The following COL4A4 variants were observed in gnomAD, a reference collection of about 807,000 sequenced individuals.
COL4A4 encodes the protein collagen type IV alpha 4 chain.
In COL4A4, 105 loss-of-function variants were observed where a neutral mutation model predicts 192.9. The ratio of observed to expected loss-of-function variants is 0.54; its 90% CI spans 0.46 to 0.64. The LOEUF (loss-of-function observed/expected upper bound fraction) is 0.64, where lower values mean the gene tolerates loss of function less well. Ranked by LOEUF, COL4A4 falls within the 30% of genes least tolerant of loss-of-function variation. The probability of loss-of-function intolerance (pLI) is 0.00; values close to 1 mark genes in which losing one functional copy is unlikely to be tolerated. For missense variants in COL4A4, 1,967 were observed against 2,169.3 expected (o/e 0.91, Z 1.85); for synonymous variants, 762 against 769.9 (o/e 0.99, Z 0.17).
chr2:227,132,518 G>A (rs1174656334), intron 4 of COL4A4, among the ~76,000 whole-genome samples: 3 of 152,212 alleles, frequency 2.0e-5, no homozygotes, highest in Non-Finnish European at 4.4e-5. Context: ...GCTCTTGCCT[G>A]TAATCCCAGC....
At chr2:227,116,955 G>A (rs536162755) in intron 7 of COL4A4, among the ~76,000 whole-genome samples, 1 of 152,124 alleles carries the variant, frequency 6.6e-6, no homozygotes, top group Admixed American at 6.5e-5. Flanking sequence ...TTTTTACAAA[G>A]AAATAAAACA....
At chr2:227,108,554 C>G in intron 12 of COL4A4, 27 bp downstream of exon 12, 2 of 1,610,222 alleles carry the variant, frequency 1.2e-6, no homozygotes, top group Non-Finnish European at 1.7e-6. Flanking sequence ...TCACCATCTG[C>G]TCCTCAGAGC....
Position 227,123,260 on chromosome 2 carries a change from T to C in COL4A4, c.193-2112A>G, listed in dbSNP as rs1347341005. ...GCCCCGTAAAAATAGTGCAAGAACA[T>C]TCACCACAGTGTTATATGCAATAGC... On this transcript the variant is annotated intron_variant, in intron 4 of 47. Coordinates refer to ENST00000396625, the MANE Select transcript of COL4A4 (RefSeq NM_000092.5). This position sits in a 1 kb window ranked among gnomAD's most constrained non-coding sequence, Gnocchi z 4.6. 3.3e-5 allele frequency among the ~76,000 whole-genome samples: 5 copies of C among 152,162 alleles called. No individual in the cohort carries two copies. In the East Asian group the frequency reaches 9.6e-4, roughly 29 times the overall value.
chr2:227,000,683 ATGAC>A (rs1391625563), downstream of COL4A4, among the ~76,000 whole-genome samples: 1 of 151,962 alleles, frequency 6.6e-6, no homozygotes, highest in East Asian at 1.9e-4. Context: ...GTTGCCCTAA[ATGAC>A]TGACCTTGGG....
At chr2:227,036,355 A>G (rs1969669608) in intron 37 of COL4A4, among the ~76,000 whole-genome samples, 1 of 152,170 alleles carries the variant, frequency 6.6e-6, no homozygotes, top group East Asian at 1.9e-4. Flanking sequence ...AAGAGCTTTT[A>G]TATGGGCTCA....
At chr2:227,007,623 C>T (rs758417907) in intron 47 of COL4A4, 35 bp from the exon 48 acceptor site, 3 of 1,611,906 alleles carry the variant, frequency 1.9e-6, no homozygotes, top group Non-Finnish European at 2.5e-6. Context: ...AGGGCTCAGA[C>T]ACACACAGAC....
chr2:227,022,224 G>C, intron 43 of COL4A4, 51 bp from the exon 44 acceptor site: 3 of 1,611,868 alleles, frequency 1.9e-6, no homozygotes, highest in Non-Finnish European at 2.5e-6. Context: ...TTATGAACAA[G>C]CTCCTTCTAC....
chr2:227,007,442 G>A lies in COL4A4; in HGVS notation c.4956C>T (p.Leu1652=), dbSNP rs759807783. 6.2e-7 allele frequency: 1 copy of A among 1,614,208 alleles called. No homozygotes were observed. Among genetic ancestry groups the A allele is most frequent in the Non-Finnish European group, 8.5e-7 (1 of 1,180,044 alleles). Residue 1652 remains leucine (L), a synonymous_variant, in exon 48 of 48, where the codon CTC becomes CTT. Coordinates refer to ENST00000396625, the MANE Select transcript of COL4A4 (RefSeq NM_000092.5). ...HFFANKYSFW[L]TTVKADLQFS... Reference sequence around the variant, plus strand: ...ACTGCAAGTCTGCTTTCACCGTTGTGAGCCAGAAGCTATACTTATTTGCGA... The same window carrying A: ...ACTGCAAGTCTGCTTTCACCGTTGTAAGCCAGAAGCTATACTTATTTGCGA...
chr2:227,117,229 T>C (rs2061535256), intron 7 of COL4A4, among the ~76,000 whole-genome samples: 1 of 152,212 alleles, frequency 6.6e-6, no homozygotes, highest in South Asian at 2.1e-4. Flanking sequence ...GAGACCATTA[T>C]GACAAACTTC....
At chr2:227,021,091 T>A (rs2149842221) in intron 44 of COL4A4, among the ~76,000 whole-genome samples, 1 of 152,114 alleles carries the variant, frequency 6.6e-6, no homozygotes. Flanking sequence ...GGTCTCAAAC[T>A]CCTGACCTCA....
At chr2:227,108,950 G>T (rs2061017858) in intron 10 of COL4A4, 82 bp from the exon 11 acceptor site, 3 of 1,358,900 alleles carry the variant, frequency 2.2e-6, no homozygotes, top group South Asian at 2.4e-5. Flanking sequence ...CCCAAAATAG[G>T]GTCCTATTTA....
In COL4A4 at chr2:227,056,127, C is replaced by T. The variant is rs1975280647; in HGVS notation, c.2546-12G>A. On this transcript the variant is annotated splice_polypyrimidine_tract_variant and intron_variant, in intron 29 of 47. Coordinates refer to ENST00000396625, the MANE Select transcript of COL4A4 (RefSeq NM_000092.5). ...CCCACCTGGAGCACCTAAGACAAAC[C>T]ACAGTGACCACAGTGTGTGAAGGCT... 5.0e-6 allele frequency: 8 copies of T among 1,613,462 alleles called. No individual in the cohort carries two copies. The highest frequency in any genetic ancestry group is 6.8e-6 in the Non-Finnish European group (8 of 1,179,688).
chr2:227,093,666 CTTT>C (rs1044602077), intron 20 of COL4A4, among the ~76,000 whole-genome samples: 171 of 152,116 alleles, frequency 1.1e-3, no homozygotes, highest in African/African-American at 3.8e-3. Flanking sequence ...TTCAGAGAGG[CTTT>C]TTTATTTTTA....
chr2:227,007,276 G>A lies in COL4A4; in HGVS notation c.*49C>T. ...TCTTAGCACAGTCTAGGAAGTCTTA[G>A]CCCCCTAGGAAGTTTCTCTTGGCCA... is the stretch of plus-strand genomic sequence containing the variant. On this transcript the variant is annotated 3_prime_UTR_variant, in exon 48 of 48. Transcript: ENST00000396625. 1 of 1,610,750 alleles carries A rather than the reference G, an allele frequency of 6.2e-7. No individual in the cohort carries two copies. The highest frequency in any genetic ancestry group is 8.5e-7 in the Non-Finnish European group (1 of 1,177,182).
At chr2:227,038,531 G>A (rs1373275182) in intron 37 of COL4A4, among the ~76,000 whole-genome samples, 2 of 152,130 alleles carry the variant, frequency 1.3e-5, no homozygotes, top group African/African-American at 4.8e-5. Context: ...TTTTGTTTAG[G>A]ATTGTCTTGG....
In COL4A4 at chr2:227,008,067, G is replaced by A. The variant is rs190148408; in HGVS notation, c.4760C>T (p.Pro1587Leu). The change falls in exon 47 of 48, where the codon CCA (proline) becomes CTA (leucine). Residue 1587 changes from proline to leucine, a missense_variant. Coordinates refer to ENST00000396625, the MANE Select transcript of COL4A4 (RefSeq NM_000092.5). The part of the protein sequence containing the change: ...AVHSQDQSIP[P>L]CPQTWRSLWI... Reference sequence around the variant, plus strand: ...GAGGCTCCTCCAGGTCTGCGGACATGGGGGGATGGACTGGTCCTGGCTGTG... The same window carrying A: ...GAGGCTCCTCCAGGTCTGCGGACATAGGGGGATGGACTGGTCCTGGCTGTG... The A allele has an allele frequency of 3.7e-5, 59 of 1,613,766 alleles. No homozygotes were observed. Among genetic ancestry groups the A allele is most frequent in the Non-Finnish European group, 4.7e-5 (55 of 1,180,008 alleles).
chr2:227,142,063 A>G (rs73082263), intron 3 of COL4A4, among the ~76,000 whole-genome samples: 3,175 of 136,526 alleles, frequency 0.023, 133 homozygotes, highest in African/African-American at 0.078. Flanking sequence ...ACTATGTTTC[A>G]GGAAAGAATC....
the COL4A4 span, among the ~76,000 whole-genome samples, chr2:226,970,746 T>C: frequency 0.021 from 3,262 of 152,338 alleles, 50 homozygotes; most frequent in Middle Eastern, 0.088. Flanking sequence ...TTGAGGACCA[T>C]TGTTTTTGTT....
At chr2:227,043,423 T>G (rs560162588) in intron 35 of COL4A4, among the ~76,000 whole-genome samples, 2 of 152,378 alleles carry the variant, frequency 1.3e-5, no homozygotes, top group South Asian at 4.1e-4. Flanking sequence ...TTTTATATTC[T>G]GGTTTTTAAA....
Sources: allele counts gnomAD v4.1 joint callset (sites outside exome capture counted in the v4.1 genomes callset), GRCh38; gene constraint gnomAD v4.1.1; non-coding constraint Gnocchi (gnomAD v3.1); transcripts MANE v1.5; gene names NCBI Gene and HGNC (gene_info 2026-07-23, HGNC 2026-07-21).